Variants in ARHGAP26 observed in about 807,000 individuals in gnomAD.
ARHGAP26 encodes rho GTPase-activating protein 26.
Under a neutral mutation model 104.8 loss-of-function variants are expected in ARHGAP26, and 38 were observed. That is an observed-to-expected ratio of 0.36 (90% confidence interval 0.28 to 0.48). The LOEUF (loss-of-function observed/expected upper bound fraction) is 0.48, where lower values mean the gene tolerates loss of function less well. Among genes scored for constraint, ARHGAP26 ranks in the 20% least tolerant of loss-of-function variants. The pLI is 0.99. For synonymous variants in ARHGAP26, 341 were observed against 340.0 expected (o/e 1.00, Z -0.03); for missense variants, 704 against 947.9 (o/e 0.74, Z 3.38).
chr5:142,841,200 T>C (rs74359612), intron 1 of ARHGAP26, among the ~76,000 whole-genome samples: 8,615 of 152,156 alleles, frequency 0.057, 328 homozygotes, highest in African/African-American at 0.1. Flanking sequence ...CCTACCTTCA[T>C]GTAGGCAGAC....
At chr5:142,896,814 C>T (rs1759541724) in intron 6 of ARHGAP26, among the ~76,000 whole-genome samples, 1 of 150,094 alleles carries the variant, frequency 6.7e-6, no homozygotes, top group Admixed American at 6.6e-5. Context: ...GCCTTACTTT[C>T]CCCATCTGCA....
chr5:142,846,435 G>C (rs1418258201), intron 1 of ARHGAP26, among the ~76,000 whole-genome samples: 1 of 152,214 alleles, frequency 6.6e-6, no homozygotes, highest in African/African-American at 2.4e-5. Context: ...AGGTGAGCCA[G>C]AATTTCAGGT....
chr5:142,968,478 T>C (rs554385363), intron 11 of ARHGAP26, among the ~76,000 whole-genome samples: 1 of 152,346 alleles, frequency 6.6e-6, no homozygotes, highest in Admixed American at 6.5e-5. Flanking sequence ...TTAGATATGC[T>C]CACTCTCAAA....
chr5:142,824,769 G>A (rs1326383565), intron 1 of ARHGAP26, among the ~76,000 whole-genome samples: 1 of 152,132 alleles, frequency 6.6e-6, no homozygotes, highest in Non-Finnish European at 1.5e-5. Context: ...GACAATGATA[G>A]GATTTCCTAG....
intron 20 of ARHGAP26, among the ~76,000 whole-genome samples, chr5:143,183,428 T>TACTTCAGG (rs1804690301): frequency 6.6e-6 from 1 of 152,184 alleles, no homozygotes; most frequent in Non-Finnish European, 1.5e-5. Flanking sequence ...TCAGTAAATG[T>TACTTCAGG]TAACTCTTAG....
chr5:143,189,396 C>T (rs575329149), intron 20 of ARHGAP26, among the ~76,000 whole-genome samples: 2 of 152,216 alleles, frequency 1.3e-5, no homozygotes, highest in East Asian at 3.9e-4. Context: ...AAGAAGTTGC[C>T]CTAGCCACAG....
chr5:142,862,238 G>A (rs544221974), intron 1 of ARHGAP26, among the ~76,000 whole-genome samples: 1 of 152,318 alleles, frequency 6.6e-6, no homozygotes, highest in Non-Finnish European at 1.5e-5. Context: ...TGATTGCATG[G>A]ACCCTGGAAG....
At chr5:142,790,622 G>T (rs950834798) in intron 1 of ARHGAP26, among the ~76,000 whole-genome samples, 2 of 152,136 alleles carry the variant, frequency 1.3e-5, no homozygotes, top group African/African-American at 4.8e-5. Flanking sequence ...ATGATCAGGC[G>T]TCTGCCTACC....
intron 1 of ARHGAP26, among the ~76,000 whole-genome samples, chr5:142,837,504 C>A (rs889376189): frequency 6.6e-6 from 1 of 152,060 alleles, no homozygotes; most frequent in Non-Finnish European, 1.5e-5. Flanking sequence ...CTTCACTTGG[C>A]GATGATAAGA....
At chr5:142,815,721 TCAC>T (rs1306325163) in intron 1 of ARHGAP26, among the ~76,000 whole-genome samples, 1 of 152,188 alleles carries the variant, frequency 6.6e-6, no homozygotes, top group East Asian at 1.9e-4. Context: ...CTTCCCCTTC[TCAC>T]CACTTTCAGA....
intron 17 of ARHGAP26, among the ~76,000 whole-genome samples, chr5:143,087,636 CTTTTTTTTTTT>C (rs35201189): frequency 7.8e-5 from 4 of 51,536 alleles, no homozygotes; most frequent in African/African-American, 1.6e-4. Flanking sequence ...CTGGCCCATT[CTTTTTTTTTTT>C]TTTTTTTTTT....
intron 1 of ARHGAP26, among the ~76,000 whole-genome samples, chr5:142,820,196 C>A (rs1765847148): frequency 6.6e-6 from 1 of 152,178 alleles, no homozygotes. Context: ...CATTGAGGAA[C>A]ACTGCTTATC....
Position 143,017,133 on chromosome 5 carries a change from G to A in ARHGAP26, c.1144+3017G>A, listed in dbSNP as rs3776364. Among the ~76,000 whole-genome samples the A allele has an allele frequency of 7.0e-4, 106 of 152,250 alleles. 1 individual carries two copies. The East Asian group carries it at 0.018, about 26-fold the overall frequency. On this transcript the variant is annotated intron_variant, in intron 12 of 22. Coordinates refer to ENST00000645722, the MANE Select transcript of ARHGAP26 (RefSeq NM_001135608.3). ...TCTAGAGTCCAAATTCCAAATGTCC[G>A]GCATTTTCTTTTCTAGGAAATGTTT...
At chr5:143,082,459 G>A (rs1207742661) in intron 17 of ARHGAP26, among the ~76,000 whole-genome samples, 4 of 152,204 alleles carry the variant, frequency 2.6e-5, no homozygotes, top group Non-Finnish European at 5.9e-5. Context: ...GTTTGAATTT[G>A]TTGAAAACCT....
At chr5:142,964,634 A>G (rs558694259) in intron 11 of ARHGAP26, among the ~76,000 whole-genome samples, 38 of 152,282 alleles carry the variant, frequency 2.5e-4, no homozygotes, top group African/African-American at 7.7e-4. Context: ...AGACATGCCA[A>G]TATCAAGTAG....
intron 10 of ARHGAP26, chr5:142,919,523 G>C: frequency 2.5e-6 from 1 of 397,630 alleles, no homozygotes; most frequent in South Asian, 1.4e-4. Context: ...TCTCAATGAA[G>C]CAGCACTCAT....
intron 17 of ARHGAP26, among the ~76,000 whole-genome samples, chr5:143,080,158 TG>T (rs1381811461): frequency 6.6e-6 from 1 of 152,150 alleles, no homozygotes; most frequent in African/African-American, 2.4e-5. Flanking sequence ...TCTTCAAATA[TG>T]GGGATGCCTA....
chr5:142,840,573 G>A (rs1770574325), intron 1 of ARHGAP26, among the ~76,000 whole-genome samples: 1 of 152,174 alleles, frequency 6.6e-6, no homozygotes, highest in African/African-American at 2.4e-5. Flanking sequence ...ATGTTTAAGA[G>A]TTGTGCTTCT....
intron 17 of ARHGAP26, among the ~76,000 whole-genome samples, chr5:143,071,175 G>A (rs773762312): frequency 6.7e-6 from 1 of 149,904 alleles, no homozygotes; most frequent in Non-Finnish European, 1.5e-5. Flanking sequence ...AGCAAAAGCA[G>A]TCCTGAGAAA....
Sources: allele counts gnomAD v4.1 joint callset (sites outside exome capture counted in the v4.1 genomes callset), GRCh38; gene constraint gnomAD v4.1.1; transcripts MANE v1.5; gene names NCBI Gene and HGNC (gene_info 2026-07-23, HGNC 2026-07-21).